Variants in UBE2D3 observed in about 807,000 individuals in gnomAD.
UBE2D3 encodes ubiquitin conjugating enzyme E2 D3.
A neutral mutation model predicts 22.8 loss-of-function variants in UBE2D3; 2 were observed. That is an observed-to-expected ratio of 0.09 (90% CI 0.04 to 0.28). The LOEUF (loss-of-function observed/expected upper bound fraction) is 0.28, where lower values mean the gene tolerates loss of function less well. Ranked by LOEUF, UBE2D3 falls within the 10% of genes least tolerant of loss-of-function variation. The pLI is 1.00. For missense variants in UBE2D3, 27 were observed against 182.5 expected, an observed-to-expected ratio of 0.15 and a Z score of 4.91; for synonymous variants, 56 against 60.4, an observed-to-expected ratio of 0.93 and a Z score of 0.34.
At chr4:102,818,154 G>T (rs146467460) in intron 2 of UBE2D3, among the ~76,000 whole-genome samples, 2 of 152,272 alleles carry the variant, frequency 1.3e-5, no homozygotes, top group African/African-American at 4.8e-5. Flanking sequence ...TGGGGACACT[G>T]ACTTACTTTA....
upstream of UBE2D3, chr4:102,828,012 A>G (rs1227544405): frequency 4.1e-6 from 4 of 985,294 alleles, no homozygotes; most frequent in East Asian, 4.5e-4. Context: ...CTCTGCAATG[A>G]CTTAAGAGCA....
At chr4:102,819,096 C>T (rs1256895881) in intron 2 of UBE2D3, among the ~76,000 whole-genome samples, 1 of 152,068 alleles carries the variant, frequency 6.6e-6, no homozygotes, top group African/African-American at 2.4e-5. Flanking sequence ...TTTGGGAAGC[C>T]AAGGCAGGCG....
chr4:102,854,772 CCT>C (rs1300797941), intron 1 of UBE2D3, among the ~76,000 whole-genome samples: 1 of 152,072 alleles, frequency 6.6e-6, no homozygotes, highest in Non-Finnish European at 1.5e-5. Context: ...CCAAATCAAC[CCT>C]GAGTAACAAC....
chr4:102,821,400 G>A (rs1729588712), intron 2 of UBE2D3, among the ~76,000 whole-genome samples: 1 of 152,000 alleles, frequency 6.6e-6, no homozygotes, highest in African/African-American at 2.4e-5. Context: ...TTTCACCACT[G>A]AACGCAGAGA....
chr4:102,864,736 T>C (rs569938324), intron 1 of UBE2D3, among the ~76,000 whole-genome samples: 3 of 152,314 alleles, frequency 2.0e-5, no homozygotes, highest in East Asian at 3.9e-4. Flanking sequence ...ACAATGCAAT[T>C]TGAAGAAAAC....
At chr4:102,806,033 C>T (rs1173493496) in intron 4 of UBE2D3, among the ~76,000 whole-genome samples, 1 of 152,142 alleles carries the variant, frequency 6.6e-6, no homozygotes, top group Non-Finnish European at 1.5e-5. Context: ...TATCTTCAGC[C>T]TAGATTATGG....
At chr4:102,866,009 T>C (rs533505015) in intron 1 of UBE2D3, among the ~76,000 whole-genome samples, 2 of 152,340 alleles carry the variant, frequency 1.3e-5, no homozygotes, top group East Asian at 3.9e-4. Flanking sequence ...ATATTATCTT[T>C]AGACCATGTT....
intron 1 of UBE2D3, chr4:102,868,679 CG>C (rs1381452797): frequency 6.2e-7 from 1 of 1,613,592 alleles, no homozygotes; most frequent in African/African-American, 1.3e-5. Context: ...AGAGGCGGGG[CG>C]AGAGGGGACG....
rs148445770 is a variant in UBE2D3 at position 102,837,070 on chromosome 4, T to C, written c.-128-10434A>G. ...TTGTGGGTTTTTGGGTGAAACCTGCTAGACAGATTCTAAAAGAGCAGTCAC... is the reference window on the plus strand; with the variant it reads ...TTGTGGGTTTTTGGGTGAAACCTGCCAGACAGATTCTAAAAGAGCAGTCAC... On this transcript the variant is annotated intron_variant, in intron 1 of 7. Transcript: ENST00000338145. The C allele has an allele frequency of 2.7e-3, 407 of 152,350 alleles. 4 individuals carry two copies. Among genetic ancestry groups the C allele is most frequent in the African/African-American group, 9.4e-3 (393 of 41,588 alleles). The allele number at this position is 152,350 out of a possible 1,614,324, so 9.4% of individuals were successfully genotyped here.
intron 7 of UBE2D3, among the ~76,000 whole-genome samples, chr4:102,798,770 C>T (rs549142634): frequency 1.3e-5 from 2 of 151,780 alleles, no homozygotes; most frequent in South Asian, 4.2e-4. Flanking sequence ...CAGATATTTA[C>T]TTTCACGTTA....
chr4:102,846,371 T>C (rs777318833), intron 1 of UBE2D3, among the ~76,000 whole-genome samples: 3 of 152,258 alleles, frequency 2.0e-5, no homozygotes, highest in Non-Finnish European at 4.4e-5. Flanking sequence ...ATTTATAGGC[T>C]ATTACTGAAT....
intron 2 of UBE2D3, among the ~76,000 whole-genome samples, chr4:102,816,337 T>G (rs1276309101): frequency 1.3e-5 from 2 of 152,196 alleles, no homozygotes; most frequent in African/African-American, 4.8e-5. Flanking sequence ...TATAAGAATG[T>G]GACCCATAGC....
At chr4:102,823,920 GAATA>G (rs1730029388) in intron 2 of UBE2D3, among the ~76,000 whole-genome samples, 1 of 152,176 alleles carries the variant, frequency 6.6e-6, no homozygotes, top group African/African-American at 2.4e-5. Context: ...CTTCAGACAA[GAATA>G]AATTCGAAAT....
At chr4:102,830,867 G>C (rs1017951374), upstream of UBE2D3, among the ~76,000 whole-genome samples, 34 of 152,140 alleles carry the variant, frequency 2.2e-4, no homozygotes, top group African/African-American at 7.7e-4. Flanking sequence ...CTGTCTCAGA[G>C]AAAATTACTA....
At chr4:102,826,787 G>C in intron 1 of UBE2D3, 151 bp from the exon 2 acceptor site, 1 of 1,269,964 alleles carries the variant, frequency 7.9e-7, no homozygotes, top group Non-Finnish European at 9.9e-7. Context: ...GGCCCGAAGT[G>C]GGGGCGAGGG....
chr4:102,866,185 A>G (rs1733138456), intron 1 of UBE2D3, among the ~76,000 whole-genome samples: 1 of 152,238 alleles, frequency 6.6e-6, no homozygotes, highest in African/African-American at 2.4e-5. Flanking sequence ...ACACATTCGC[A>G]TAGCTCATGT....
chr4:102,804,796 T>C (rs554714019), intron 4 of UBE2D3, among the ~76,000 whole-genome samples: 1 of 151,850 alleles, frequency 6.6e-6, no homozygotes. Flanking sequence ...CACCTCACCC[T>C]CCCGAGTAGC....
chr4:102,845,463 A>G (rs1731996796), intron 1 of UBE2D3, among the ~76,000 whole-genome samples: 1 of 152,052 alleles, frequency 6.6e-6, no homozygotes, highest in Non-Finnish European at 1.5e-5. Context: ...AAGTTTGAGA[A>G]CCCCACTGGA....
intron 1 of UBE2D3, 111 bp downstream of exon 1, chr4:102,827,316 A>C: frequency 1.0e-6 from 1 of 962,130 alleles, no homozygotes; most frequent in Non-Finnish European, 1.2e-6. Context: ...AACCCACCGC[A>C]CCCAATAGGC....
Sources: allele counts gnomAD v4.1 joint callset (sites outside exome capture counted in the v4.1 genomes callset), GRCh38; gene constraint gnomAD v4.1.1; transcripts MANE v1.5; gene names NCBI Gene and HGNC (gene_info 2026-07-23, HGNC 2026-07-21).